The following SEC31A variants were observed in gnomAD, a reference collection of about 807,000 sequenced individuals.
SEC31A encodes SEC31 homolog A, COPII component.
A neutral mutation model predicts 151.0 loss-of-function variants in SEC31A; 70 were observed. The observed-to-expected ratio is 0.46, with a 90% confidence interval of 0.38 to 0.57. The LOEUF is 0.57. Among genes scored for constraint, SEC31A ranks in the 20% least tolerant of loss-of-function variants. The pLI is 0.00. For missense variants in SEC31A, 1,330 were observed against 1,471.2 expected (o/e 0.90, Z 1.57); for synonymous variants, 475 against 505.9 (o/e 0.94, Z 0.82).
Position 82,872,087 on chromosome 4 carries a change from C to G in SEC31A, c.640-1G>C. ...GCCATGCCAACCCAGAACAATGCAT[C>G]TGAAGATAGTTAAGGTTCACATTTT... On this transcript the variant is annotated splice_acceptor_variant, in intron 6 of 26. Coordinates refer to ENST00000395310, the MANE Select transcript of SEC31A (RefSeq NM_001077207.4). LOFTEE classifies it high-confidence loss of function. 6.2e-7 allele frequency: 1 copy of G among 1,612,032 alleles called. No individual in the cohort carries two copies. Among genetic ancestry groups the G allele is most frequent in the Non-Finnish European group, 8.5e-7 (1 of 1,178,236 alleles).
At chr4:82,820,244 C>T (rs1381003334) in intron 26 of SEC31A, among the ~76,000 whole-genome samples, 22 of 137,136 alleles carry the variant, frequency 1.6e-4, no homozygotes, top group Non-Finnish European at 2.4e-4. Flanking sequence ...GCTGGGATTA[C>T]AGGCATATCC....
Position 82,841,443 on chromosome 4 carries a change from T to TATATATATATATA in SEC31A, c.2968+684_2968+696dup, listed in dbSNP as rs1491548728. ...ATCTCAAAAAAGAAAAAAAAAATTTTATATATATATATATATATATATATA... is the reference window on the plus strand; with the variant it reads ...ATCTCAAAAAAGAAAAAAAAAATTTTATATATATATATAATATATATATATATATATATATATA... On this transcript the variant is annotated intron_variant, in intron 22 of 26. Transcript: ENST00000395310. 9.4e-4 allele frequency among the ~76,000 whole-genome samples: 8 copies of TATATATATATATA among 8,470 alleles called. 1 individual carries two copies. The highest frequency in any genetic ancestry group is 4.1e-3 in the Non-Finnish European group (8 of 1,974). The allele number at this position is 8,470 out of a possible 152,430, so 5.6% of individuals were successfully genotyped here. A position where few individuals can be genotyped will look rare whatever the true frequency, so the allele number is the denominator to read the frequency against.
chr4:82,827,311 A>G (rs533045241), intron 24 of SEC31A, 58 bp downstream of exon 24: 1 of 1,543,868 alleles, frequency 6.5e-7, no homozygotes, highest in South Asian at 1.2e-5. Flanking sequence ...AGCACATTAA[A>G]GAAAATATAC....
chr4:82,855,761 G>A (rs1375201002), intron 16 of SEC31A, among the ~76,000 whole-genome samples: 2 of 152,096 alleles, frequency 1.3e-5, no homozygotes, highest in Non-Finnish European at 2.9e-5. Context: ...AACACATGGA[G>A]GGGAACAACA....
At chr4:82,869,352 G>A (rs550059011) in intron 8 of SEC31A, among the ~76,000 whole-genome samples, 9 of 149,388 alleles carry the variant, frequency 6.0e-5, no homozygotes, top group South Asian at 2.1e-4. Context: ...GGATGGTCTC[G>A]ATCTCCTGAC....
rs397994259 is a variant in SEC31A, at chr4:82,828,673, C to CAAAAAAAAAAAAAAAAAAAAA, written c.3027+306_3027+326dup. 7.7e-4 allele frequency among the ~76,000 whole-genome samples: 34 copies of CAAAAAAAAAAAAAAAAAAAAA among 44,084 alleles called. 1 individual carries two copies. Among genetic ancestry groups the CAAAAAAAAAAAAAAAAAAAAA allele is most frequent in the Non-Finnish European group, 8.8e-4 (23 of 26,236 alleles). The allele number at this position is 44,084 out of a possible 152,430, so 28.9% of individuals were successfully genotyped here. Reference sequence around the variant, plus strand: ...GTAGAACCCAAAGACCAAAGTAACTCAAAAAAAAAAAAAAAAAAAAAAAAG... The same window carrying CAAAAAAAAAAAAAAAAAAAAA: ...GTAGAACCCAAAGACCAAAGTAACTCAAAAAAAAAAAAAAAAAAAAAAAAAAAAAAAAAAAAAAAAAAAAAG... On this transcript the variant is annotated intron_variant, in intron 23 of 26. Coordinates refer to ENST00000395310, the MANE Select transcript of SEC31A (RefSeq NM_001077207.4).
rs1314606862 is a variant in SEC31A, at chr4:82,880,789, A to T, written c.203+10T>A. 1 of 1,598,092 alleles carries T rather than the reference A, an allele frequency of 6.3e-7. No homozygotes were observed. Among genetic ancestry groups the T allele is most frequent in the African/African-American group, 1.3e-5 (1 of 74,248 alleles). ...AAATAATCACATGAATTTAAAGCTG[A>T]ACCTCATACCTGTGAGAAGAGGAGA... is the stretch of plus-strand genomic sequence containing the variant. On this transcript the variant is annotated intron_variant, in intron 3 of 26. Coordinates refer to ENST00000395310, the MANE Select transcript of SEC31A (RefSeq NM_001077207.4).
At chr4:82,840,713 A>G (rs1728536003) in intron 22 of SEC31A, among the ~76,000 whole-genome samples, 1 of 152,234 alleles carries the variant, frequency 6.6e-6, no homozygotes, top group Admixed American at 6.5e-5. Flanking sequence ...CCTAGGGTAC[A>G]AACCTGTACA....
chr4:82,867,041 G>T lies in SEC31A; in HGVS notation c.1045-81C>A, dbSNP rs1735569882. The T allele has an allele frequency of 4.5e-6, 7 of 1,550,720 alleles. No individual in the cohort carries two copies. The South Asian group carries it at 7.2e-5, about 16-fold the overall frequency. On this transcript the variant is annotated intron_variant, in intron 9 of 26. Coordinates refer to ENST00000395310, the MANE Select transcript of SEC31A (RefSeq NM_001077207.4). ...TCCAGTCATATCCAAAAAAATTTTT[G>T]ATCACAATTGTCCAATTAACCAGCA...
In SEC31A at chr4:82,866,801, C is replaced by T. The variant is rs773105148; in HGVS notation, c.1197+7G>A. On this transcript the variant is annotated splice_region_variant and intron_variant, in intron 10 of 26. Coordinates refer to ENST00000395310, the MANE Select transcript of SEC31A (RefSeq NM_001077207.4). Reference sequence around the variant, plus strand: ...GCCTATGGACCATAAAAACAAAATCCACCTACTGAAAAAGAAGCACCAACA... The same window carrying T: ...GCCTATGGACCATAAAAACAAAATCTACCTACTGAAAAAGAAGCACCAACA... The T allele has an allele frequency of 6.3e-7, 1 of 1,596,590 alleles. No individual in the cohort carries two copies. Among genetic ancestry groups the T allele is most frequent in the Admixed American group, 1.8e-5 (1 of 54,272 alleles).
At chr4:82,830,871 T>A in intron 22 of SEC31A, 1 of 641,374 alleles carries the variant, frequency 1.6e-6, no homozygotes, top group Non-Finnish European at 2.2e-6. Context: ...TTATTGTTAA[T>A]GTCCATTCAT....
chr4:82,845,304 CA>C (rs1281550933), intron 20 of SEC31A: 9 of 1,355,994 alleles, frequency 6.6e-6, no homozygotes, highest in Non-Finnish European at 8.8e-6. Context: ...CTGAATTGAA[CA>C]AAGAAATACC....
intron 12 of SEC31A, 107 bp from the exon 13 acceptor site, chr4:82,862,679 T>C (rs907886786): frequency 8.6e-5 from 77 of 899,248 alleles, no homozygotes; most frequent in Admixed American, 4.1e-4. Context: ...AAAGTTCTTA[T>C]AGGAATAGTA....
chr4:82,879,534 G>A (rs2125812349), intron 3 of SEC31A, among the ~76,000 whole-genome samples: 1 of 152,254 alleles, frequency 6.6e-6, no homozygotes, highest in African/African-American at 2.4e-5. Flanking sequence ...AAAATATATG[G>A]TCCAGAATGG....
At position 82,842,416 on chromosome 4, in the gene SEC31A, G is replaced by C; in HGVS notation, c.2692C>G (p.Pro898Ala). ...GCGTTTGAAGTAGGAGGAGCAACAG[G>C]CTGCTGAGGTCGATACATTGCTGAC... The part of the protein sequence containing the change: ...GGSAMYRPQQ[P>A]VAPPTSNAYP... Residue 898 changes from proline (P) to alanine (A), a missense_variant, in exon 22 of 27, where the codon CCT becomes GCT. By Grantham distance (27) the Pro-to-Ala change is conservative. Coordinates refer to ENST00000395310, the MANE Select transcript of SEC31A (RefSeq NM_001077207.4). 6.2e-7 allele frequency: 1 copy of C among 1,613,996 alleles called. No homozygotes were observed. The highest frequency in any genetic ancestry group is 8.5e-7 in the Non-Finnish European group (1 of 1,179,974).
chr4:82,882,569 ATG>A (rs1739634664), intron 1 of SEC31A, among the ~76,000 whole-genome samples: 1 of 152,164 alleles, frequency 6.6e-6, no homozygotes, highest in Non-Finnish European at 1.5e-5. Flanking sequence ...TTTGCTACAC[ATG>A]TGTTTATCCA....
intron 19 of SEC31A, among the ~76,000 whole-genome samples, chr4:82,851,113 T>G (rs1036381723): frequency 6.6e-6 from 1 of 152,204 alleles, no homozygotes; most frequent in African/African-American, 2.4e-5. Context: ...AAAATATTCC[T>G]ACAAAGAACT....
chr4:82,853,596 C>T lies in SEC31A; in HGVS notation c.2128G>A (p.Asp710Asn). The T allele has an allele frequency of 6.3e-7, 1 of 1,585,386 alleles. No homozygotes were observed. The highest frequency in any genetic ancestry group is 1.2e-5 in the South Asian group (1 of 85,246). The change falls in exon 18 of 27, where the codon GAT (aspartate) becomes AAT (asparagine). Residue 710 changes from aspartate (D) to asparagine (N), a missense_variant. By Grantham distance (23) the Asp-to-Asn change is conservative (BLOSUM62 1). Transcript: ENST00000395310. ...TGAAGTGACAAAGGGTGGCTTCCAT[C>T]TTGAGCTTTAGTCCAACATGCAACT... ...KLVACWTKAQ[D>N]GSHPLSLQDL... is the part of the protein sequence containing the mutation.
At position 82,851,501 on chromosome 4, in the gene SEC31A, T is replaced by C; in HGVS notation, c.2258A>G (p.Tyr753Cys). The C allele has an allele frequency of 6.2e-7, 1 of 1,614,146 alleles. No homozygotes were observed. The change falls in exon 19 of 27, where the codon TAT becomes TGT. Residue 753 changes from tyrosine to cysteine, a missense_variant. Tyr to Cys is a radical substitution (Grantham distance 194). Coordinates refer to ENST00000395310, the MANE Select transcript of SEC31A (RefSeq NM_001077207.4). ...GVLLAAKMSQ[Y>C]ANLLAAQGSI... ...GCCCTGAGCTGCCAACAAATTGGCA[T>C]ACTGACTCATCTTCGCAGCCAAGAG... is the stretch of plus-strand genomic sequence containing the variant.
Sources: allele counts gnomAD v4.1 joint callset (sites outside exome capture counted in the v4.1 genomes callset), GRCh38; gene constraint gnomAD v4.1.1; transcripts MANE v1.5; gene names NCBI Gene and HGNC (gene_info 2026-07-23, HGNC 2026-07-21).